NAALADL2: variants seen among roughly 807,000 people sequenced by gnomAD.
NAALADL2 encodes inactive N-acetylated-alpha-linked acidic dipeptidase-like protein 2.
Under a neutral mutation model 87.2 loss-of-function variants are expected in NAALADL2, and 76 were observed. The ratio of observed to expected loss-of-function variants is 0.87; its 90% CI spans 0.72 to 1.05. The LOEUF is 1.05. NAALADL2 is among the 50% of genes least tolerant of loss of function. The probability of loss-of-function intolerance (pLI) is 0.00; values close to 1 mark genes in which losing one functional copy is unlikely to be tolerated. For synonymous variants in NAALADL2, 354 were observed against 331.0 expected, an observed-to-expected ratio of 1.07 and a Z score of -0.75; for missense variants, 1,089 against 945.8, an observed-to-expected ratio of 1.15 and a Z score of -1.99.
chr3:175,666,773 A>G (rs1733059626), intron 11 of NAALADL2, among the ~76,000 whole-genome samples: 1 of 152,166 alleles, frequency 6.6e-6, no homozygotes, highest in African/African-American at 2.4e-5. Flanking sequence ...GCACCTTAGT[A>G]GTGTAGATTA....
intron 1 of NAALADL2, among the ~76,000 whole-genome samples, chr3:175,057,272 A>T (rs751796178): frequency 6.6e-6 from 1 of 152,166 alleles, no homozygotes; most frequent in African/African-American, 2.4e-5. Context: ...TTCAGTCACG[A>T]TCAACCTGAC....
chr3:174,885,244 A>G (rs1185789542), intron 1 of NAALADL2, among the ~76,000 whole-genome samples: 3 of 152,144 alleles, frequency 2.0e-5, no homozygotes, highest in Admixed American at 6.5e-5. Context: ...GGCCACTCGC[A>G]TGATAAGATC....
At chr3:175,291,564 C>A (rs1465272137) in intron 4 of NAALADL2, among the ~76,000 whole-genome samples, 2 of 152,034 alleles carry the variant, frequency 1.3e-5, no homozygotes, top group African/African-American at 4.8e-5. Flanking sequence ...ATTAAAACAA[C>A]AAAGTTTCAG....
At position 175,232,830 on chromosome 3, in the gene NAALADL2, A is replaced by G. The variant is rs919558034; in HGVS notation, c.546-1101A>G. 2.6e-5 allele frequency among the ~76,000 whole-genome samples: 4 copies of G among 152,162 alleles called. No homozygotes were observed. The South Asian group carries it at 6.2e-4, about 24-fold the overall frequency. ...ATAGCAATAAGATTCTTTTAAGAAG[A>G]TACATTTTTGCCCCAAAAGGAAATT... On this transcript the variant is annotated intron_variant, in intron 2 of 13. Transcript: ENST00000454872.
chr3:175,413,374 A>G (rs1340514748), intron 5 of NAALADL2, among the ~76,000 whole-genome samples: 1 of 150,882 alleles, frequency 6.6e-6, no homozygotes, highest in Non-Finnish European at 1.5e-5. Flanking sequence ...GATAGAGACC[A>G]TCCTGGCTAA....
intron 5 of NAALADL2, among the ~76,000 whole-genome samples, chr3:175,329,277 C>CCCTAGAAA (rs2110482276): frequency 1.3e-5 from 2 of 152,272 alleles, no homozygotes; most frequent in South Asian, 4.1e-4. Flanking sequence ...AAAGTCTTTT[C>CCCTAGAAA]AGTGGCTCTA....
intron 3 of NAALADL2, among the ~76,000 whole-genome samples, chr3:174,787,568 T>C (rs1399386118): frequency 1.2e-5 from 1 of 82,400 alleles, no homozygotes; most frequent in Non-Finnish European, 2.4e-5. Flanking sequence ...AAGAAGGCAA[T>C]ATATCATCAT....
intron 1 of NAALADL2, among the ~76,000 whole-genome samples, chr3:174,907,579 C>A (rs1369342475): frequency 6.6e-6 from 1 of 152,064 alleles, no homozygotes; most frequent in Non-Finnish European, 1.5e-5. Flanking sequence ...AAAACCACGT[C>A]CCTAAAAGGT....
intron 5 of NAALADL2, among the ~76,000 whole-genome samples, chr3:175,371,562 T>G (rs1210251153): frequency 3.3e-5 from 5 of 152,188 alleles, no homozygotes; most frequent in Non-Finnish European, 7.3e-5. Context: ...CGACGGCTCA[T>G]GCTTGTAATC....
intron 5 of NAALADL2, among the ~76,000 whole-genome samples, chr3:175,394,227 G>A (rs1362844890): frequency 6.6e-6 from 1 of 152,110 alleles, no homozygotes; most frequent in East Asian, 1.9e-4. Context: ...AATGATGGTT[G>A]AGAAGATGAA....
chr3:174,959,495 T>G (rs1241032590), intron 1 of NAALADL2, among the ~76,000 whole-genome samples: 1 of 151,974 alleles, frequency 6.6e-6, no homozygotes, highest in Admixed American at 6.6e-5. Flanking sequence ...GTTCACAAAA[T>G]TTAACAAGAT....
At chr3:175,608,638 G>A (rs930233637) in intron 10 of NAALADL2, among the ~76,000 whole-genome samples, 163 of 152,022 alleles carry the variant, frequency 1.1e-3, no homozygotes, top group African/African-American at 3.7e-3. Flanking sequence ...CGATCGTGTA[G>A]GAGTTATGAA....
chr3:175,762,192 A>T (rs202046366), intron 13 of NAALADL2, among the ~76,000 whole-genome samples: 227 of 113,998 alleles, frequency 2.0e-3, no homozygotes, highest in Middle Eastern at 7.4e-3. Context: ...CTGTGTTTCG[A>T]TTTTTTTTTT....
intron 1 of NAALADL2, among the ~76,000 whole-genome samples, chr3:174,975,912 A>G (rs1744297177): frequency 6.6e-6 from 1 of 152,210 alleles, no homozygotes; most frequent in African/African-American, 2.4e-5. Flanking sequence ...TAGTGTGTCT[A>G]ACACCTTGAT....
At chr3:174,961,761 G>A (rs940217355) in intron 1 of NAALADL2, among the ~76,000 whole-genome samples, 24 of 151,960 alleles carry the variant, frequency 1.6e-4, no homozygotes, top group African/African-American at 5.8e-4. Context: ...ATTACATCCT[G>A]ACTCTATAGC....
upstream of NAALADL2, among the ~76,000 whole-genome samples, chr3:174,858,731 C>G (rs2109521091): frequency 6.6e-6 from 1 of 151,942 alleles, no homozygotes; most frequent in Middle Eastern, 3.4e-3. Flanking sequence ...GTTTATTGTC[C>G]ATTATTCACA....
chr3:174,538,290 C>T (rs758771263), intron 1 of NAALADL2, among the ~76,000 whole-genome samples: 2 of 152,064 alleles, frequency 1.3e-5, no homozygotes, highest in African/African-American at 2.4e-5. Context: ...CCTAAGTTAA[C>T]CGTAAAAATT....
At chr3:175,245,895 T>C (rs1747883919) in intron 3 of NAALADL2, among the ~76,000 whole-genome samples, 1 of 152,208 alleles carries the variant, frequency 6.6e-6, no homozygotes, top group Admixed American at 6.5e-5. Context: ...TCTCCTCTTA[T>C]GCCAACCCTT....
At chr3:174,823,085 C>T (rs1721601934) in intron 3 of NAALADL2, among the ~76,000 whole-genome samples, 1 of 152,090 alleles carries the variant, frequency 6.6e-6, no homozygotes, top group Non-Finnish European at 1.5e-5. Context: ...GATTAAAGCA[C>T]TTTCTATATT....
Sources: gnomAD v4.1 joint callset for allele counts (sites outside exome capture counted in the v4.1 genomes callset) on GRCh38, gnomAD v4.1.1 for gene constraint, MANE v1.5 for transcripts, NCBI Gene and HGNC (gene_info 2026-07-23, HGNC 2026-07-21) for gene names.